DBR1: variants seen among roughly 807,000 people sequenced by gnomAD.
The protein encoded by DBR1 is lariat debranching enzyme.
A neutral mutation model predicts 45.9 loss-of-function variants in DBR1; 33 were observed. The ratio of observed to expected loss-of-function variants is 0.72; its 90% confidence interval spans 0.55 to 0.96. The LOEUF is 0.96. Among genes scored for constraint, DBR1 ranks in the 40% least tolerant of loss-of-function variants. DBR1 has a pLI of 0.00. For missense variants in DBR1, 619 were observed against 667.4 expected (o/e 0.93, Z 0.80); for synonymous variants, 235 against 235.9 (o/e 1.00, Z 0.04).
intron 7 of DBR1, among the ~76,000 whole-genome samples, chr3:138,162,829 T>C (rs2042914194): frequency 6.6e-6 from 1 of 152,240 alleles, no homozygotes; most frequent in East Asian, 1.9e-4. Flanking sequence ...ATATCATGGT[T>C]TTATGTACAC....
intron 2 of DBR1, 56 bp downstream of exon 2, chr3:138,173,446 C>T (rs1272556657): frequency 6.3e-7 from 1 of 1,591,310 alleles, no homozygotes; most frequent in Non-Finnish European, 8.6e-7. Context: ...TAACGCAAAT[C>T]CTGATAAGCT....
In DBR1 at chr3:138,161,875, A is replaced by G; in HGVS notation, c.*14T>C. On this transcript the variant is annotated 3_prime_UTR_variant, in exon 8 of 8. Coordinates refer to ENST00000260803, the MANE Select transcript of DBR1 (RefSeq NM_016216.4). ...AAAACAAAACAAACACAAAAACAAA[A>G]CAAGTAAATCATCTTAAGCTGCATC... The G allele has an allele frequency of 6.3e-7, 1 of 1,595,738 alleles. No individual in the cohort carries two copies. The highest frequency in any genetic ancestry group is 1.3e-5 in the African/African-American group (1 of 74,534).
Position 138,170,116 on chromosome 3 carries a change from T to C in DBR1, c.480A>G (p.Lys160=), listed in dbSNP as rs2042947707. 1 of 1,576,244 alleles carries C rather than the reference T, an allele frequency of 6.3e-7. No homozygotes were observed. The highest frequency in any genetic ancestry group is 2.2e-5 in the East Asian group (1 of 44,586). The change falls in exon 4 of 8, where the codon AAA becomes AAG. Residue 160 remains lysine (K), a synonymous_variant. Coordinates refer to ENST00000260803, the MANE Select transcript of DBR1 (RefSeq NM_016216.4). ...TGCGCTTTTTACGTACCTGTTTTAATTTATAGACTTCAATATTTCTCACAT... is the reference window on the plus strand; with the variant it reads ...TGCGCTTTTTACGTACCTGTTTTAACTTATAGACTTCAATATTTCTCACAT... The part of the protein sequence containing the change: ...IYHVRNIEVY[K]LKQLKQPIDI...
Position 138,174,809 on chromosome 3 carries a change from G to C in DBR1, c.-14C>G, listed in dbSNP as rs1267325446. 1.9e-6 allele frequency: 3 copies of C among 1,606,966 alleles called. No homozygotes were observed. Among genetic ancestry groups the C allele is most frequent in the East Asian group, 4.5e-5 (2 of 44,728 alleles). Reference sequence around the variant, plus strand: ...AGCCACCCGCATTCTGCCGGCCTGAGGAGGTGAGCGCTGCCTGCAACGCCC... The same window carrying C: ...AGCCACCCGCATTCTGCCGGCCTGACGAGGTGAGCGCTGCCTGCAACGCCC... On this transcript the variant is annotated 5_prime_UTR_variant, in exon 1 of 8. Transcript: ENST00000260803.
rs137893418 is a variant in DBR1 at position 138,163,443 on chromosome 3, T to C, written c.847A>G (p.Ile283Val). ...PSAPDYLEYDIEWLTILRATD... is the reference protein window; with the variant it reads ...PSAPDYLEYDVEWLTILRATD... ...GCCCTGAGAATAGTGAGCCATTCAA[T>C]ATCATATTCCAAGTAATCAGGAGCA... Residue 283 changes from isoleucine (I) to valine (V), a missense_variant, in exon 7 of 8, where the codon ATT (isoleucine) becomes GTT (valine). Physicochemically the swap from Ile to Val is conservative, Grantham distance 29. Coordinates refer to ENST00000260803, the MANE Select transcript of DBR1 (RefSeq NM_016216.4). 6.0e-5 allele frequency: 97 copies of C among 1,612,324 alleles called. No individual in the cohort carries two copies. The highest frequency in any genetic ancestry group is 7.7e-5 in the Non-Finnish European group (91 of 1,178,542).
intron 6 of DBR1, 74 bp downstream of exon 6, chr3:138,163,704 C>T (rs1366311257): frequency 3.2e-5 from 37 of 1,160,058 alleles, no homozygotes; most frequent in Non-Finnish European, 3.8e-5. Flanking sequence ...AAAAAAATTC[C>T]GAAAGGAAAA....
At chr3:138,170,264 G>A in intron 3 of DBR1, 72 bp from the exon 4 acceptor site, 1 of 937,538 alleles carries the variant, frequency 1.1e-6, no homozygotes, top group Non-Finnish European at 1.6e-6. Flanking sequence ...CATATACACA[G>A]GTCTCCAAAA....
intron 5 of DBR1, among the ~76,000 whole-genome samples, chr3:138,164,580 A>G (rs948612145): frequency 2.6e-5 from 4 of 152,220 alleles, no homozygotes; most frequent in African/African-American, 9.6e-5. Context: ...AGATGATGTG[A>G]TATTAGCACA....
intron 2 of DBR1, 28 bp from the exon 3 acceptor site, chr3:138,171,741 T>C (rs2042956607): frequency 1.9e-6 from 3 of 1,543,144 alleles, no homozygotes; most frequent in South Asian, 1.1e-5. Context: ...ATAAAATTAC[T>C]GTAGGCAAAA....
At chr3:138,171,012 A>G (rs2042951022) in intron 3 of DBR1, among the ~76,000 whole-genome samples, 1 of 152,212 alleles carries the variant, frequency 6.6e-6, no homozygotes, top group South Asian at 2.1e-4. Context: ...CATATGTGGT[A>G]ATGATGTAAA....
intron 5 of DBR1, among the ~76,000 whole-genome samples, chr3:138,165,531 C>A (rs923132285): frequency 2.0e-5 from 3 of 151,940 alleles, no homozygotes; most frequent in Non-Finnish European, 4.4e-5. Context: ...AGATCGAGAC[C>A]ATCCTGGCTA....
In DBR1 at chr3:138,171,615, T is replaced by G; in HGVS notation, c.403+18A>C. On this transcript the variant is annotated intron_variant, in intron 3 of 7. Coordinates refer to ENST00000260803, the MANE Select transcript of DBR1 (RefSeq NM_016216.4). ...GCATGCAAGTTCTAAAGTTTAAAAATAATTCTCAAAACAATACCTTTTCGA... is the reference window on the plus strand; with the variant it reads ...GCATGCAAGTTCTAAAGTTTAAAAAGAATTCTCAAAACAATACCTTTTCGA... 1 of 1,586,874 alleles carries G rather than the reference T, an allele frequency of 6.3e-7. No homozygotes were observed. Among genetic ancestry groups the G allele is most frequent in the Non-Finnish European group, 8.6e-7 (1 of 1,157,186 alleles).
intron 3 of DBR1, among the ~76,000 whole-genome samples, chr3:138,170,955 A>C (rs555790147): frequency 2.1e-4 from 32 of 152,372 alleles, no homozygotes; most frequent in Admixed American, 1.2e-3. Flanking sequence ...AAGCAATACG[A>C]TACATTTATA....
chr3:138,173,763 G>A lies in DBR1; in HGVS notation c.198-137C>T, dbSNP rs367891719. 485 of 925,904 alleles carry A rather than the reference G, an allele frequency of 5.2e-4. 1 individual carries two copies. In the African/African-American group the frequency reaches 6.8e-3, roughly 13 times the overall value. The allele number at this position is 925,904 out of a possible 1,614,324, so 57.4% of individuals were successfully genotyped here. ...CAAAAGGAATTGCCTGGGGCTGGGC[G>A]CGGTGGCTCCCTCCTGTAATCCCAG... On this transcript the variant is annotated intron_variant, in intron 1 of 7. Coordinates refer to ENST00000260803, the MANE Select transcript of DBR1 (RefSeq NM_016216.4).
intron 4 of DBR1, among the ~76,000 whole-genome samples, chr3:138,167,728 C>G (rs2042936993): frequency 6.6e-6 from 1 of 152,066 alleles, no homozygotes; most frequent in Non-Finnish European, 1.5e-5. Context: ...GGTGGATCAC[C>G]TGAGGTTAGG....
At chr3:138,163,277 A>G (rs1247429264) in intron 7 of DBR1, 72 bp downstream of exon 7, 2 of 1,520,022 alleles carry the variant, frequency 1.3e-6, no homozygotes, top group African/African-American at 1.4e-5. Context: ...AAAACAAAAC[A>G]AAACAAAGGT....
Position 138,161,896 on chromosome 3 carries a change from G to GCAT in DBR1, c.1625_1627dup (p.Asp542dup), listed in dbSNP as rs765189407. The stretch of plus-strand genomic sequence containing the variant: ...CAAAACAAGTAAATCATCTTAAGCT[G>GCAT]CATCGTCATCATCATCATCCACTGC... On this transcript the variant is annotated inframe_insertion, in exon 8 of 8. Transcript: ENST00000260803. The GCAT allele has an allele frequency of 1.4e-4, 229 of 1,607,512 alleles. No individual in the cohort carries two copies. Among genetic ancestry groups the GCAT allele is most frequent in the Middle Eastern group, 1.6e-4 (1 of 6,076 alleles).
At position 138,173,522 on chromosome 3, in the gene DBR1, GC is replaced by G. The variant is rs1312132101; in HGVS notation, c.301del (p.Ala101HisfsTer7). On this transcript the variant is annotated frameshift_variant, in exon 2 of 8. Coordinates refer to ENST00000260803, the MANE Select transcript of DBR1 (RefSeq NM_016216.4). LOFTEE classifies it high-confidence loss of function. ...CATACCTAAATAATAAATGTTTGGT[GC>G]CACCCAGCCACCATAGGGTAACTCT... ...LQELPYGGWV[A>X]PNIYYLGLAG... The G allele has an allele frequency of 2.6e-5, 42 of 1,613,698 alleles. No homozygotes were observed. Among genetic ancestry groups the G allele is most frequent in the Non-Finnish European group, 3.6e-5 (42 of 1,179,884 alleles).
chr3:138,165,660 T>C lies in DBR1; in HGVS notation c.714+1421A>G, dbSNP rs368170937. ...AGGAGAATGGTGTGAACCCGGAAGGTGGAGCTTGCAGTGAGTGGAGATCGC... is the reference window on the plus strand; with the variant it reads ...AGGAGAATGGTGTGAACCCGGAAGGCGGAGCTTGCAGTGAGTGGAGATCGC... On this transcript the variant is annotated intron_variant, in intron 5 of 7. Transcript: ENST00000260803. 4.4e-4 allele frequency among the ~76,000 whole-genome samples: 66 copies of C among 151,444 alleles called. No individual in the cohort carries two copies. The East Asian group carries it at 6.0e-3, about 14-fold the overall frequency.
Sources: gnomAD v4.1 joint callset for allele counts (sites outside exome capture counted in the v4.1 genomes callset) on GRCh38, gnomAD v4.1.1 for gene constraint, MANE v1.5 for transcripts, NCBI Gene and HGNC (gene_info 2026-07-23, HGNC 2026-07-21) for gene names.